The following ANKRD17 variants were observed in gnomAD, a reference collection of about 807,000 sequenced individuals.
ANKRD17 encodes the protein ankyrin repeat domain-containing protein 17.
ANKRD17 carries 19 observed loss-of-function variants against 229.7 expected under a neutral mutation model. The observed-to-expected ratio is 0.08, with a 90% CI of 0.06 to 0.12. ANKRD17 has a LOEUF of 0.12. Among genes scored for constraint, ANKRD17 ranks in the 10% least tolerant of loss-of-function variants. The probability of loss-of-function intolerance (pLI) is 1.00; values close to 1 mark genes in which losing one functional copy is unlikely to be tolerated. For missense variants in ANKRD17, 2,176 were observed against 3,176.8 expected, an observed-to-expected ratio of 0.68 and a Z score of 7.57; for synonymous variants, 1,112 against 1,146.1, an observed-to-expected ratio of 0.97 and a Z score of 0.60.
In ANKRD17 at chr4:73,127,146, T is replaced by C. The variant is rs538127826; in HGVS notation, c.3235-1834A>G. ...TTCCAATGAAATCCAAATTCAGATA[T>C]ACTTTAAGTAGGGTGACAAATCTGG... is the stretch of plus-strand genomic sequence containing the variant. On this transcript the variant is annotated intron_variant, in intron 16 of 33. Transcript: ENST00000358602. Among the ~76,000 whole-genome samples the C allele has an allele frequency of 2.0e-4, 31 of 152,290 alleles. 1 individual carries two copies. Among genetic ancestry groups the C allele is most frequent in the Middle Eastern group, 3.4e-3 (1 of 294 alleles).
At chr4:73,160,017 A>G (rs1242698113) in intron 3 of ANKRD17, among the ~76,000 whole-genome samples, 1 of 152,182 alleles carries the variant, frequency 6.6e-6, no homozygotes, top group Non-Finnish European at 1.5e-5. Context: ...CTTAAATGCT[A>G]TAATTTACTC....
chr4:73,115,337 C>A (rs1725812765), intron 23 of ANKRD17, among the ~76,000 whole-genome samples: 3 of 152,168 alleles, frequency 2.0e-5, no homozygotes, highest in Admixed American at 2.0e-4. Context: ...GATGCCCAGG[C>A]TGGAGTACAA....
chr4:73,217,327 A>G (rs1056939830), intron 1 of ANKRD17, among the ~76,000 whole-genome samples: 32 of 152,300 alleles, frequency 2.1e-4, no homozygotes, highest in African/African-American at 6.3e-4. Context: ...ATTAACTAAC[A>G]TAAGTGTATC....
At chr4:73,120,113 C>T (rs1213895570) in intron 21 of ANKRD17, 49 bp downstream of exon 21, 1 of 1,539,826 alleles carries the variant, frequency 6.5e-7, no homozygotes, top group East Asian at 2.2e-5. Flanking sequence ...AGAATGATAA[C>T]CACTAGTAAC....
At position 73,258,751 on chromosome 4, in the gene ANKRD17, A is replaced by G. The variant is rs1745729837; in HGVS notation, c.-83T>C. 4.6e-6 allele frequency: 6 copies of G among 1,297,264 alleles called. No individual in the cohort carries two copies. The highest frequency in any genetic ancestry group is 5.9e-6 in the Non-Finnish European group (6 of 1,025,584). 80.4% of individuals were successfully genotyped at this position (1,297,264 alleles called of 1,614,324 possible). ...CGACTTCGGCCGCACTGGGGCCGACACAGCAATCGGTGCCGCCTCCGCCGC... is the reference window on the plus strand; with the variant it reads ...CGACTTCGGCCGCACTGGGGCCGACGCAGCAATCGGTGCCGCCTCCGCCGC... On this transcript the variant is annotated 5_prime_UTR_variant, in exon 1 of 34. Transcript: ENST00000358602.
chr4:73,187,712 G>C (rs1012114024), intron 1 of ANKRD17, among the ~76,000 whole-genome samples: 6 of 152,144 alleles, frequency 3.9e-5, no homozygotes, highest in African/African-American at 1.4e-4. Flanking sequence ...TGCTTTGTTT[G>C]TGTGTTTTGT....
chr4:73,095,727 G>T (rs181512203), intron 27 of ANKRD17, among the ~76,000 whole-genome samples: 24 of 149,786 alleles, frequency 1.6e-4, no homozygotes, highest in African/African-American at 5.9e-4. Flanking sequence ...GTCTCGTTCT[G>T]TACCCAGGCT....
intron 1 of ANKRD17, among the ~76,000 whole-genome samples, chr4:73,244,049 C>T (rs1398260312): frequency 6.6e-6 from 1 of 152,038 alleles, no homozygotes; most frequent in Admixed American, 6.6e-5. Flanking sequence ...TTACAGATGA[C>T]CACCTTCTTG....
Position 73,258,319 on chromosome 4 carries a change from T to G in ANKRD17, c.350A>C (p.Glu117Ala). Residue 117 changes from glutamate to alanine, a missense_variant, in exon 1 of 34, where the codon GAG becomes GCG. Transcript: ENST00000358602. ...CTCGTCGTCGTCGTCCTCTTCTTCC[T>G]CGCTGTTGTTACTGCTGGTGCCGCC... ...GGGGTSSNNS[E>A]EEEDDDDEEE... 6.2e-7 allele frequency: 1 copy of G among 1,613,780 alleles called. No individual in the cohort carries two copies. Among genetic ancestry groups the G allele is most frequent in the South Asian group, 1.1e-5 (1 of 91,086 alleles).
At chr4:73,081,872 G>A (rs1235363483) in intron 30 of ANKRD17, among the ~76,000 whole-genome samples, 3 of 152,206 alleles carry the variant, frequency 2.0e-5, no homozygotes, top group Non-Finnish European at 1.5e-5. Context: ...GCCACTGGGT[G>A]TGGTGGCTCA....
intron 15 of ANKRD17, among the ~76,000 whole-genome samples, chr4:73,136,984 T>TG (rs201094726): frequency 9.7e-5 from 13 of 134,350 alleles, no homozygotes; most frequent in African/African-American, 5.0e-4. Flanking sequence ...TACAGAGTTT[T>TG]TTTTTTTTTT....
At chr4:73,225,769 G>A (rs1742395037) in intron 1 of ANKRD17, among the ~76,000 whole-genome samples, 1 of 140,416 alleles carries the variant, frequency 7.1e-6, no homozygotes, top group South Asian at 2.4e-4. Flanking sequence ...GGCTGAGGCA[G>A]GAGAATCGCT....
intron 1 of ANKRD17, among the ~76,000 whole-genome samples, chr4:73,242,886 A>G (rs1744169652): frequency 6.6e-6 from 1 of 152,222 alleles, no homozygotes; most frequent in Admixed American, 6.5e-5. Flanking sequence ...AGCTTGGTGA[A>G]AAACCAACAG....
intron 1 of ANKRD17, among the ~76,000 whole-genome samples, chr4:73,178,984 A>G (rs1230694882): frequency 6.6e-6 from 1 of 152,164 alleles, no homozygotes; most frequent in Non-Finnish European, 1.5e-5. Context: ...CTAATAAGCT[A>G]GAATACAATC....
chr4:73,156,695 G>A (rs1003886151), intron 3 of ANKRD17, among the ~76,000 whole-genome samples: 2 of 151,928 alleles, frequency 1.3e-5, no homozygotes, highest in African/African-American at 2.4e-5. Flanking sequence ...CTCCTGCTGT[G>A]CCATGGTAAG....
chr4:73,250,401 G>A (rs966907667), intron 1 of ANKRD17, among the ~76,000 whole-genome samples: 1 of 151,428 alleles, frequency 6.6e-6, no homozygotes, highest in Non-Finnish European at 1.5e-5. Flanking sequence ...GGGAGTTTGC[G>A]ACCAGCCGGG....
chr4:73,203,305 C>A (rs757531787), intron 1 of ANKRD17, among the ~76,000 whole-genome samples: 12 of 151,770 alleles, frequency 7.9e-5, no homozygotes, highest in Non-Finnish European at 1.8e-4. Flanking sequence ...GTGTCTTGAA[C>A]TAAATTATAA....
At chr4:73,198,341 G>A (rs898341772) in intron 1 of ANKRD17, among the ~76,000 whole-genome samples, 6 of 152,094 alleles carry the variant, frequency 3.9e-5, no homozygotes, top group African/African-American at 7.2e-5. Flanking sequence ...GTTTCTCAAC[G>A]AAAATGAAAA....
At chr4:73,160,579 A>C (rs1265293673) in intron 3 of ANKRD17, among the ~76,000 whole-genome samples, 1 of 152,158 alleles carries the variant, frequency 6.6e-6, no homozygotes, top group Non-Finnish European at 1.5e-5. Context: ...TTTTTATTGG[A>C]TAACATCATC....
Sources: gnomAD v4.1 joint callset for allele counts (sites outside exome capture counted in the v4.1 genomes callset) on GRCh38, gnomAD v4.1.1 for gene constraint, MANE v1.5 for transcripts, NCBI Gene and HGNC (gene_info 2026-07-23, HGNC 2026-07-21) for gene names.